PSMD14: variants seen among roughly 807,000 people sequenced by gnomAD.
PSMD14 encodes ubiquitin C-terminal hydrolase PSMD14.
A neutral mutation model predicts 41.2 loss-of-function variants in PSMD14; 7 were observed. That is an observed-to-expected ratio of 0.17 (90% CI 0.10 to 0.32). The LOEUF is 0.32. Ranked by LOEUF, PSMD14 falls within the 10% of genes least tolerant of loss-of-function variation. The probability of loss-of-function intolerance (pLI) is 1.00; values close to 1 mark genes in which losing one functional copy is unlikely to be tolerated. For missense variants in PSMD14, 139 were observed against 375.6 expected (o/e 0.37, Z 5.21); for synonymous variants, 114 against 122.3 (o/e 0.93, Z 0.45).
intron 3 of PSMD14, among the ~76,000 whole-genome samples, chr2:161,361,090 A>G (rs1247439216): frequency 6.6e-6 from 1 of 152,228 alleles, no homozygotes; most frequent in Admixed American, 6.5e-5. Flanking sequence ...CCCAGATCAA[A>G]TAGGCATTCA....
intron 8 of PSMD14, among the ~76,000 whole-genome samples, chr2:161,389,912 T>TTTTTTTTTTTTTTTTTTA (rs1299369817): frequency 2.3e-5 from 3 of 130,290 alleles, no homozygotes; most frequent in African/African-American, 9.8e-5. Context: ...TTTTTTTTTT[T>TTTTTTTTTTTTTTTTTTA]AGAGATGGGG....
At chr2:161,343,212 A>G (rs1174834805) in intron 3 of PSMD14, among the ~76,000 whole-genome samples, 1 of 152,182 alleles carries the variant, frequency 6.6e-6, no homozygotes, top group East Asian at 1.9e-4. Flanking sequence ...CCATTAGACC[A>G]TAATACTTCA....
intron 3 of PSMD14, among the ~76,000 whole-genome samples, chr2:161,324,270 C>T (rs1682660014): frequency 6.6e-6 from 1 of 152,176 alleles, no homozygotes; most frequent in African/African-American, 2.4e-5. Flanking sequence ...AATAGACACA[C>T]AAGCAATCAT....
chr2:161,399,258 G>A (rs1315357269), intron 10 of PSMD14, among the ~76,000 whole-genome samples: 1 of 152,002 alleles, frequency 6.6e-6, no homozygotes, highest in Non-Finnish European at 1.5e-5. Context: ...ATTCTAGTAA[G>A]AATATTAACG....
At chr2:161,387,551 G>A (rs1303934033) in intron 8 of PSMD14, among the ~76,000 whole-genome samples, 1 of 151,928 alleles carries the variant, frequency 6.6e-6, no homozygotes, top group Non-Finnish European at 1.5e-5. Flanking sequence ...TAGTAGTAGA[G>A]AAAAATTATG....
chr2:161,387,060 T>A (rs1453936384), intron 8 of PSMD14, among the ~76,000 whole-genome samples: 2 of 151,996 alleles, frequency 1.3e-5, no homozygotes, highest in East Asian at 3.9e-4. Context: ...GCATCATTAT[T>A]TTTCCTTTCA....
intron 3 of PSMD14, among the ~76,000 whole-genome samples, chr2:161,354,482 A>G (rs780235567): frequency 3.3e-4 from 41 of 125,056 alleles, no homozygotes; most frequent in Admixed American, 1.2e-3. Context: ...TTTTTATAAC[A>G]AAGGTAGTCG....
intron 3 of PSMD14, among the ~76,000 whole-genome samples, chr2:161,323,413 C>T (rs1209056457): frequency 1.3e-5 from 2 of 152,146 alleles, no homozygotes; most frequent in Non-Finnish European, 2.9e-5. Context: ...CCTGCAATCT[C>T]AGCCCTTTGG....
rs1210553784 is a variant in PSMD14, at chr2:161,368,145, G to A, written c.240+242G>A. ...GCTAAATTTCTTTTCTCAGTCCTTCGGCTTAAACTGGTGTAAAATACTGGA... is the reference window on the plus strand; with the variant it reads ...GCTAAATTTCTTTTCTCAGTCCTTCAGCTTAAACTGGTGTAAAATACTGGA... On this transcript the variant is annotated intron_variant, in intron 5 of 11. Transcript: ENST00000409682. 9.9e-5 allele frequency among the ~76,000 whole-genome samples: 15 copies of A among 151,682 alleles called. 1 individual carries two copies. Among genetic ancestry groups the A allele is most frequent in the Non-Finnish European group, 1.0e-4 (7 of 67,822 alleles).
intron 3 of PSMD14, among the ~76,000 whole-genome samples, chr2:161,360,443 C>T (rs1360741261): frequency 6.6e-6 from 1 of 151,766 alleles, no homozygotes; most frequent in Non-Finnish European, 1.5e-5. Flanking sequence ...GCAACCTCCA[C>T]ATCCCGTGTT....
chr2:161,384,596 TCTATTGAGTTAAATTC>T (rs1683610457), intron 7 of PSMD14: 1 of 151,732 alleles, frequency 6.6e-6, no homozygotes, highest in Non-Finnish European at 1.5e-5. Flanking sequence ...ATGTGATAAA[TCTATTGAGTTAAATTC>T]CCTTAAAGTG....
At position 161,370,097 on chromosome 2, in the gene PSMD14, T is replaced by C; in HGVS notation, c.241-10T>C. On this transcript the variant is annotated splice_polypyrimidine_tract_variant and intron_variant, in intron 5 of 11. Transcript: ENST00000409682. ...CAAAAATTAATAATTTTTCTTTCTT[T>C]CTAAATCAGGGTGTCAGTGTGGAGG... The C allele has an allele frequency of 6.5e-7, 1 of 1,547,438 alleles. No homozygotes were observed. Among genetic ancestry groups the C allele is most frequent in the Non-Finnish European group, 8.7e-7 (1 of 1,146,900 alleles).
At chr2:161,358,599 C>T (rs904813278) in intron 3 of PSMD14, among the ~76,000 whole-genome samples, 1 of 152,162 alleles carries the variant, frequency 6.6e-6, no homozygotes, top group Non-Finnish European at 1.5e-5. Flanking sequence ...CTCTACATTT[C>T]CCCTCACTGA....
At chr2:161,371,063 T>TAAAA in intron 6 of PSMD14, 109 bp from the exon 7 acceptor site, 1 of 1,235,670 alleles carries the variant, frequency 8.1e-7, no homozygotes, top group Non-Finnish European at 1.1e-6. Context: ...CACACCTGTG[T>TAAAA]GTTTTTCATC....
intron 3 of PSMD14, among the ~76,000 whole-genome samples, chr2:161,345,236 C>CTTTTTTTTT (rs869245727): frequency 3.5e-5 from 2 of 57,020 alleles, no homozygotes; most frequent in African/African-American, 7.4e-5. Flanking sequence ...ATCTCTGTGT[C>CTTTTTTTTT]TTTTTTTTTT....
chr2:161,367,677 A>C (rs1161691106), intron 4 of PSMD14, 107 bp from the exon 5 acceptor site: 1 of 1,336,956 alleles, frequency 7.5e-7, no homozygotes, highest in Non-Finnish European at 9.7e-7. Context: ...ACATTTATAA[A>C]AGGAGTTTTT....
chr2:161,356,896 A>C (rs1683212996), intron 3 of PSMD14, among the ~76,000 whole-genome samples: 2 of 151,490 alleles, frequency 1.3e-5, no homozygotes, highest in East Asian at 3.9e-4. Flanking sequence ...GTGACACTTT[A>C]GTTCATGTTT....
At chr2:161,360,058 A>T (rs1683268034) in intron 3 of PSMD14, among the ~76,000 whole-genome samples, 1 of 152,074 alleles carries the variant, frequency 6.6e-6, no homozygotes, top group Non-Finnish European at 1.5e-5. Context: ...AAAAACAAAG[A>T]TGTGTTTTTC....
chr2:161,341,510 T>C (rs1682961109), intron 3 of PSMD14, among the ~76,000 whole-genome samples: 1 of 152,032 alleles, frequency 6.6e-6, no homozygotes, highest in African/African-American at 2.4e-5. Flanking sequence ...TAACACTTTT[T>C]TGAAGACCAG....
Sources: allele counts gnomAD v4.1 joint callset (sites outside exome capture counted in the v4.1 genomes callset), GRCh38; gene constraint gnomAD v4.1.1; transcripts MANE v1.5; gene names NCBI Gene and HGNC (gene_info 2026-07-23, HGNC 2026-07-21).